Variants in CFAP44 observed in about 807,000 individuals in gnomAD.
CFAP44 encodes the protein cilia- and flagella-associated protein 44.
A neutral mutation model predicts 216.2 loss-of-function variants in CFAP44; 134 were observed. The ratio of observed to expected loss-of-function variants is 0.62; its 90% CI spans 0.54 to 0.72. The LOEUF (loss-of-function observed/expected upper bound fraction) is 0.72. Among genes scored for constraint, CFAP44 ranks in the 30% least tolerant of loss-of-function variants. CFAP44 has a pLI of 0.00. For missense variants in CFAP44, 2,035 were observed against 2,182.1 expected, an observed-to-expected ratio of 0.93 and a Z score of 1.34; for synonymous variants, 700 against 727.6, an observed-to-expected ratio of 0.96 and a Z score of 0.61.
intron 13 of CFAP44, 127 bp from the exon 14 acceptor site, chr3:113,396,854 CT>C: frequency 1.1e-6 from 1 of 893,458 alleles, no homozygotes; most frequent in Non-Finnish European, 1.7e-6. Flanking sequence ...CTTTATATCA[CT>C]TTCTGGTAAC....
rs546467670 is a variant in CFAP44 at position 113,340,656 on chromosome 3, C to T, written c.3437+1088G>A. ...AGGCTGTGGGGCTCCGACCCCATGG[C>T]AGTGTCTAGGGGTGAATGTTTGCAG... is the stretch of plus-strand genomic sequence containing the variant. On this transcript the variant is annotated intron_variant, in intron 24 of 34. Coordinates refer to ENST00000393845, the MANE Select transcript of CFAP44 (RefSeq NM_001164496.2). 7.2e-4 allele frequency among the ~76,000 whole-genome samples: 110 copies of T among 152,312 alleles called. 1 individual carries two copies. The highest frequency in any genetic ancestry group is 2.4e-3 in the African/African-American group (99 of 41,570).
At chr3:113,344,391 G>T in intron 23 of CFAP44, 125 bp downstream of exon 23, 1 of 784,968 alleles carries the variant, frequency 1.3e-6, no homozygotes, top group Non-Finnish European at 2.0e-6. Context: ...AAACCATCAT[G>T]GAAGGAAGAG....
Position 113,341,874 on chromosome 3 carries a change from TC to T in CFAP44, c.3306del (p.Lys1103ArgfsTer8), listed in dbSNP as rs1307399308. ...CTTAGGGTTTTAGGCCGAAATTTCT[TC>T]CCTTTTTCTATTATTGATTCTTCTT... ...TIQEESIIEK[G>X]KKFRPKTLSE... On this transcript the variant is annotated frameshift_variant, in exon 24 of 35. Coordinates refer to ENST00000393845, the MANE Select transcript of CFAP44 (RefSeq NM_001164496.2). LOFTEE classifies it high-confidence loss of function. 6.5e-6 allele frequency: 10 copies of T among 1,531,414 alleles called. No individual in the cohort carries two copies. The allele number at this position is 1,531,414 out of a possible 1,614,324, so 94.9% of individuals were successfully genotyped here.
Position 113,363,213 on chromosome 3 carries a change from T to A in CFAP44, c.2866A>T (p.Arg956Trp). ...TCTAATAGATTACAAAATTCACTCC[T>A]CAAAGCTTTGATTTGCTCTCTCTTC... ...ARKREQIKALRSEFCNLLEMN... is the reference protein window; with the variant it reads ...ARKREQIKALWSEFCNLLEMN... Residue 956 changes from arginine (R) to tryptophan (W), a missense_variant, in exon 21 of 35, where the codon AGG becomes TGG. By Grantham distance (101) the Arg-to-Trp change is moderately radical (BLOSUM62 -3). This residue lies in a region of CFAP44 where 1,883 missense variants were observed against 2,023.7 expected (regional missense o/e 0.93). Transcript: ENST00000393845. 4.3e-6 allele frequency: 7 copies of A among 1,613,600 alleles called. No individual in the cohort carries two copies. The highest frequency in any genetic ancestry group is 5.9e-6 in the Non-Finnish European group (7 of 1,179,836).
At chr3:113,334,756 T>C (rs1053373194) in intron 24 of CFAP44, among the ~76,000 whole-genome samples, 2 of 152,196 alleles carry the variant, frequency 1.3e-5, no homozygotes, top group African/African-American at 4.8e-5. Flanking sequence ...CAGACTAAAA[T>C]TGAAGAATTA....
intron 15 of CFAP44, among the ~76,000 whole-genome samples, chr3:113,387,733 C>T (rs906667442): frequency 4.6e-5 from 7 of 152,002 alleles, no homozygotes; most frequent in African/African-American, 1.7e-4. Context: ...GAATAGAGCA[C>T]TAAGTGGGCA....
intron 24 of CFAP44, 75 bp from the exon 25 acceptor site, chr3:113,333,658 A>G: frequency 1.5e-6 from 2 of 1,330,326 alleles, no homozygotes; most frequent in Non-Finnish European, 9.7e-7. Context: ...TAATATAGGC[A>G]TATATTCAAA....
At chr3:113,315,573 C>T (rs115822656) in intron 28 of CFAP44, among the ~76,000 whole-genome samples, 16 of 152,226 alleles carry the variant, frequency 1.1e-4, no homozygotes, top group African/African-American at 3.4e-4. Flanking sequence ...GCATCAACAA[C>T]CAACAGGATT....
chr3:113,374,363 TTTTA>T (rs148186633), intron 17 of CFAP44, among the ~76,000 whole-genome samples: 24,188 of 146,622 alleles, frequency 0.16, 2,435 homozygotes, highest in African/African-American at 0.29. Flanking sequence ...TGTCAATTTC[TTTTA>T]TTTATTTATT....
chr3:113,436,334 A>G (rs1250101526), intron 1 of CFAP44, among the ~76,000 whole-genome samples: 2 of 152,160 alleles, frequency 1.3e-5, no homozygotes, highest in African/African-American at 4.8e-5. Flanking sequence ...TTAGATACAC[A>G]CACACCTAAA....
intron 4 of CFAP44, among the ~76,000 whole-genome samples, chr3:113,425,351 C>A (rs1423115361): frequency 6.6e-6 from 1 of 152,196 alleles, no homozygotes; most frequent in African/African-American, 2.4e-5. Context: ...CAGTACATTG[C>A]CAGCTAAGGA....
intron 28 of CFAP44, among the ~76,000 whole-genome samples, chr3:113,316,060 T>G (rs1438930260): frequency 6.6e-6 from 1 of 152,284 alleles, no homozygotes; most frequent in East Asian, 1.9e-4. Context: ...AAAACAAACC[T>G]CAACAATTAC....
At position 113,409,302 on chromosome 3, in the gene CFAP44, C is replaced by T. The variant is rs1408658383; in HGVS notation, c.694G>A (p.Ala232Thr). 7 of 1,614,032 alleles carry T rather than the reference C, an allele frequency of 4.3e-6. No homozygotes were observed. Among genetic ancestry groups the T allele is most frequent in the Non-Finnish European group, 5.9e-6 (7 of 1,179,990 alleles). The change falls in exon 7 of 35, where the codon GCT becomes ACT. Residue 232 changes from alanine to threonine, a missense_variant. Around this residue, in one of 3 missense-constraint regions of CFAP44, gnomAD observed 1,883 missense variants for 2,023.7 expected, o/e 0.93. Coordinates refer to ENST00000393845, the MANE Select transcript of CFAP44 (RefSeq NM_001164496.2). ...VLRDGTEKGY[A>T]YVDFNYSGNL... Reference sequence around the variant, plus strand: ...CCGCTGTAGTTAAAGTCCACATAAGCATATCCCTTCTCAGTCCCATCTGGA... The same window carrying T: ...CCGCTGTAGTTAAAGTCCACATAAGTATATCCCTTCTCAGTCCCATCTGGA...
chr3:113,416,557 T>C lies in CFAP44; in HGVS notation c.641A>G (p.Tyr214Cys). The C allele has an allele frequency of 2.5e-6, 4 of 1,612,322 alleles. No homozygotes were observed. Among genetic ancestry groups the C allele is most frequent in the East Asian group, 2.2e-5 (1 of 44,770 alleles). ...GSFPDIIIYE[Y>C]PSLRPYRVLR... ...GACTCTGTATGGTCTCAGAGAAGGA[T>C]ATTCATAGATGATAATATCTGGAAA... The change falls in exon 6 of 35, where the codon TAT (tyrosine) becomes TGT (cysteine). Residue 214 changes from tyrosine to cysteine, a missense_variant. Physicochemically the swap from Tyr to Cys is radical, Grantham distance 194. This residue lies in a region of CFAP44 where 1,883 missense variants were observed against 2,023.7 expected (regional missense o/e 0.93). Transcript: ENST00000393845.
At chr3:113,294,189 G>C (rs958234265) in intron 34 of CFAP44, 2 of 382,558 alleles carry the variant, frequency 5.2e-6, no homozygotes, top group Non-Finnish European at 1.0e-5. Context: ...ATATTAATTA[G>C]GTATATCCAC....
intron 28 of CFAP44, among the ~76,000 whole-genome samples, chr3:113,316,471 C>G (rs567418005): frequency 6.6e-6 from 1 of 151,936 alleles, no homozygotes; most frequent in South Asian, 2.1e-4. Flanking sequence ...AGGAGAAAAA[C>G]AATAAAGAAA....
chr3:113,392,429 G>A (rs1000309614), intron 15 of CFAP44, among the ~76,000 whole-genome samples: 2 of 151,344 alleles, frequency 1.3e-5, no homozygotes, highest in Admixed American at 6.6e-5. Context: ...GGGGGGTGGG[G>A]TGCAAATTGG....
chr3:113,379,806 C>G (rs1001837153), intron 16 of CFAP44, among the ~76,000 whole-genome samples: 1 of 152,056 alleles, frequency 6.6e-6, no homozygotes, highest in African/African-American at 2.4e-5. Context: ...AATAGAGAAG[C>G]TAAATATAAC....
chr3:113,440,770 C>T (rs1935342148), intron 1 of CFAP44, among the ~76,000 whole-genome samples: 1 of 152,150 alleles, frequency 6.6e-6, no homozygotes, highest in African/African-American at 2.4e-5. Flanking sequence ...GTAAAGGTCC[C>T]TTGTCAGAGG....
Sources: allele counts gnomAD v4.1 joint callset (sites outside exome capture counted in the v4.1 genomes callset), GRCh38; gene constraint gnomAD v4.1.1; regional missense constraint gnomAD v4.1.1; transcripts MANE v1.5; gene names NCBI Gene and HGNC (gene_info 2026-07-23, HGNC 2026-07-21).